CDH2: variants seen among roughly 807,000 people sequenced by gnomAD.
CDH2 encodes the protein cadherin 2, also known as cadherin-2.
Under a neutral mutation model 92.0 loss-of-function variants are expected in CDH2, and 17 were observed. The observed-to-expected ratio is 0.18, with a 90% CI of 0.13 to 0.28. CDH2 has a LOEUF of 0.28. Among genes scored for constraint, CDH2 ranks in the 10% least tolerant of loss-of-function variants. CDH2 has a pLI of 1.00. For synonymous variants in CDH2, 419 were observed against 415.9 expected, an observed-to-expected ratio of 1.01 and a Z score of -0.09; for missense variants, 862 against 1,133.1, an observed-to-expected ratio of 0.76 and a Z score of 3.44.
chr18:28,148,540 T>C (rs2016073213), intron 1 of CDH2, among the ~76,000 whole-genome samples: 1 of 152,214 alleles, frequency 6.6e-6, no homozygotes, highest in South Asian at 2.1e-4. Flanking sequence ...TCAGCCCTAC[T>C]GACACAATTG....
intron 2 of CDH2, among the ~76,000 whole-genome samples, chr18:28,096,115 T>C (rs941734648): frequency 2.6e-5 from 4 of 152,158 alleles, no homozygotes; most frequent in African/African-American, 9.7e-5. Flanking sequence ...TGAGGTGCTA[T>C]TCCCTCAATA....
At chr18:28,096,483 TCTGGAACG>T (rs1390043174) in intron 2 of CDH2, among the ~76,000 whole-genome samples, 17 of 151,838 alleles carry the variant, frequency 1.1e-4, no homozygotes, top group Non-Finnish European at 1.0e-4. Flanking sequence ...GTAACACATT[TCTGGAACG>T]CAATATGAAA....
chr18:27,947,434 A>G (rs545735223), downstream of CDH2, among the ~76,000 whole-genome samples: 1 of 151,988 alleles, frequency 6.6e-6, no homozygotes, highest in Non-Finnish European at 1.5e-5. Flanking sequence ...AATTCAATCA[A>G]ATTTTGAATA....
At chr18:28,115,636 C>T (rs1347413219) in intron 2 of CDH2, among the ~76,000 whole-genome samples, 2 of 152,256 alleles carry the variant, frequency 1.3e-5, no homozygotes, top group East Asian at 3.9e-4. Flanking sequence ...ACAGGAACCA[C>T]CACAACCAAT....
chr18:27,983,088 G>T lies in CDH2; in HGVS notation c.2210-5C>A. The T allele has an allele frequency of 6.2e-7, 1 of 1,601,926 alleles. No homozygotes were observed. Among genetic ancestry groups the T allele is most frequent in the Non-Finnish European group, 8.5e-7 (1 of 1,174,938 alleles). On this transcript the variant is annotated splice_polypyrimidine_tract_variant and splice_region_variant and intron_variant, in intron 13 of 15. Transcript: ENST00000269141. ...CCACAAACATCAGCACAAGGACTAGGTAGAAAAATAGTAAAAATACATAAT... is the reference window on the plus strand; with the variant it reads ...CCACAAACATCAGCACAAGGACTAGTTAGAAAAATAGTAAAAATACATAAT...
At chr18:28,116,212 G>C (rs1475805902) in intron 2 of CDH2, among the ~76,000 whole-genome samples, 1 of 152,078 alleles carries the variant, frequency 6.6e-6, no homozygotes, top group African/African-American at 2.4e-5. Flanking sequence ...TCTTCGGTAG[G>C]TGTATTTTTT....
intron 2 of CDH2, among the ~76,000 whole-genome samples, chr18:28,066,816 T>C (rs894383737): frequency 6.6e-6 from 1 of 152,122 alleles, no homozygotes; most frequent in Non-Finnish European, 1.5e-5. Context: ...GACTCAACTC[T>C]TGCATCATTT....
intron 2 of CDH2, among the ~76,000 whole-genome samples, chr18:28,099,958 A>C (rs901276700): frequency 6.6e-6 from 1 of 152,010 alleles, no homozygotes; most frequent in African/African-American, 2.4e-5. Flanking sequence ...GTTTTTTTTT[A>C]TCTATGATAT....
At chr18:28,103,888 T>TA (rs576905898) in intron 2 of CDH2, among the ~76,000 whole-genome samples, 40 of 152,132 alleles carry the variant, frequency 2.6e-4, no homozygotes, top group East Asian at 2.5e-3. Context: ...TATATACACA[T>TA]AAAAAAAATC....
intron 2 of CDH2, among the ~76,000 whole-genome samples, chr18:28,094,662 C>T (rs891610114): frequency 1.9e-4 from 28 of 151,174 alleles, no homozygotes; most frequent in African/African-American, 4.9e-4. Flanking sequence ...GGTGTGGTGG[C>T]GGGCGCCTGT....
intron 7 of CDH2, among the ~76,000 whole-genome samples, chr18:27,999,644 G>A (rs1794234671): frequency 6.6e-6 from 1 of 150,796 alleles, no homozygotes; most frequent in African/African-American, 2.4e-5. Flanking sequence ...CTTTTAAAAC[G>A]CTTTTAAATT....
At position 28,030,159 on chromosome 18, in the gene CDH2, T is replaced by C. The variant is rs550049323; in HGVS notation, c.173-16250A>G. ...TGGCATTATTAATGTTTCAAGATAA[T>C]ATGTTAAAAATCCTATTTTTTTTGG... On this transcript the variant is annotated intron_variant, in intron 2 of 15. Transcript: ENST00000269141. 1.4e-4 allele frequency among the ~76,000 whole-genome samples: 21 copies of C among 152,212 alleles called. No homozygotes were observed. The South Asian group carries it at 3.9e-3, about 29-fold the overall frequency.
chr18:28,062,049 T>C (rs961287307), intron 2 of CDH2, among the ~76,000 whole-genome samples: 1 of 152,210 alleles, frequency 6.6e-6, no homozygotes, highest in African/African-American at 2.4e-5. Flanking sequence ...GACAGCCACA[T>C]AGTACTTCCT....
intron 14 of CDH2, among the ~76,000 whole-genome samples, chr18:27,969,074 C>T (rs1309677139): frequency 6.6e-6 from 1 of 152,106 alleles, no homozygotes; most frequent in African/African-American, 2.4e-5. Flanking sequence ...ATTTTCTTCC[C>T]CAGTGAAATA....
At chr18:28,140,374 G>A (rs1281323694) in intron 2 of CDH2, among the ~76,000 whole-genome samples, 1 of 151,922 alleles carries the variant, frequency 6.6e-6, no homozygotes, top group African/African-American at 2.4e-5. Context: ...GAAGAGACAA[G>A]TACTATGGTC....
At chr18:27,936,610 G>A (rs1173967706) in intron 6 of CDH2, among the ~76,000 whole-genome samples, 1 of 152,090 alleles carries the variant, frequency 6.6e-6, no homozygotes. Context: ...GCTCCCTGCA[G>A]CCTCAATGTC....
At chr18:27,975,829 T>C (rs759030758) in intron 14 of CDH2, among the ~76,000 whole-genome samples, 5 of 152,094 alleles carry the variant, frequency 3.3e-5, no homozygotes, top group Non-Finnish European at 7.4e-5. Flanking sequence ...GTGGAGAATT[T>C]TATTGAGCAA....
chr18:27,971,235 CAA>C (rs35636455), intron 14 of CDH2, among the ~76,000 whole-genome samples: 9 of 137,828 alleles, frequency 6.5e-5, no homozygotes, highest in Non-Finnish European at 6.2e-5. Context: ...GACTCCATCT[CAA>C]AAAAAAAAAG....
At chr18:27,997,829 C>A (rs899334465) in intron 7 of CDH2, among the ~76,000 whole-genome samples, 3 of 151,358 alleles carry the variant, frequency 2.0e-5, no homozygotes, top group Admixed American at 2.0e-4. Context: ...TTTTTTGAGA[C>A]TGAGTCTCAC....
Sources: allele counts gnomAD v4.1 joint callset (sites outside exome capture counted in the v4.1 genomes callset), GRCh38; gene constraint gnomAD v4.1.1; transcripts MANE v1.5; gene names NCBI Gene and HGNC (gene_info 2026-07-23, HGNC 2026-07-21).